Variants in ZNF652 observed in about 807,000 individuals in gnomAD.
The protein encoded by ZNF652 is zinc finger protein 652.
A neutral mutation model predicts 45.2 loss-of-function variants in ZNF652; 16 were observed. The ratio of observed to expected loss-of-function variants is 0.35; its 90% CI spans 0.24 to 0.54. The LOEUF (loss-of-function observed/expected upper bound fraction) is 0.54. Among genes scored for constraint, ZNF652 ranks in the 20% least tolerant of loss-of-function variants. ZNF652 has a pLI of 0.91. For synonymous variants in ZNF652, 250 were observed against 260.6 expected, an observed-to-expected ratio of 0.96 and a Z score of 0.39; for missense variants, 614 against 765.6, an observed-to-expected ratio of 0.80 and a Z score of 2.34.
intron 1 of ZNF652, among the ~76,000 whole-genome samples, chr17:49,329,551 A>G (rs747039): frequency 0.43 from 65,912 of 152,010 alleles, 14,603 homozygotes; most frequent in East Asian, 0.48. Context: ...CATACATTTT[A>G]TATGGTCAAG....
intron 1 of ZNF652, among the ~76,000 whole-genome samples, chr17:49,326,157 A>T (rs1438837209): frequency 6.6e-6 from 1 of 151,440 alleles, no homozygotes; most frequent in Middle Eastern, 3.2e-3. Flanking sequence ...TCATGCCTGT[A>T]ATCTCAGTAC....
chr17:49,317,905 G>C lies in ZNF652; in HGVS notation c.-180C>G. ...GCAGCACCAAAGCATGAGTCAAAAA[G>C]GTTTGGTATTATGGCAAGAGCAGAG... On this transcript the variant is annotated 5_prime_UTR_variant, in exon 2 of 6. Transcript: ENST00000430262. 2.9e-6 allele frequency: 2 copies of C among 680,790 alleles called. No individual in the cohort carries two copies. Among genetic ancestry groups the C allele is most frequent in the Non-Finnish European group, 4.5e-6 (2 of 439,808 alleles). 42.2% of individuals were successfully genotyped at this position (680,790 alleles called of 1,614,324 possible).
chr17:49,295,950 A>C lies in ZNF652; in HGVS notation c.*2463T>G, dbSNP rs1339460068. 7.7e-6 allele frequency: 1 copy of C among 129,956 alleles called. No individual in the cohort carries two copies. The highest frequency in any genetic ancestry group is 1.7e-5 in the Non-Finnish European group (1 of 58,078). 8.1% of individuals were successfully genotyped at this position (129,956 alleles called of 1,614,324 possible). ...AAGACTCTGCCTCAAAAAAAAAAAA[A>C]AAAAAAAAAAAAAAACAGAACAAAA... On this transcript the variant is annotated 3_prime_UTR_variant, in exon 6 of 6. Transcript: ENST00000430262.
At chr17:49,338,338 ATGTCACCT>A (rs2070108082) in intron 1 of ZNF652, among the ~76,000 whole-genome samples, 2 of 152,110 alleles carry the variant, frequency 1.3e-5, no homozygotes, top group South Asian at 4.1e-4. Context: ...CTTCTGCTAG[ATGTCACCT>A]TGTCTGGATG....
At position 49,293,543 on chromosome 17, in the gene ZNF652, G is replaced by A. The variant is rs184481279; in HGVS notation, c.*4870C>T. 1.3e-5 allele frequency among the ~76,000 whole-genome samples: 2 copies of A among 151,370 alleles called. No individual in the cohort carries two copies. The highest frequency in any genetic ancestry group is 4.9e-5 in the African/African-American group (2 of 41,204). Reference sequence around the variant, plus strand: ...TTTATCGAGGTAGTGTCCAGGGTTGGAAGGTCATCATTCTTTATTGTAAGT... The same window carrying A: ...TTTATCGAGGTAGTGTCCAGGGTTGAAAGGTCATCATTCTTTATTGTAAGT... On this transcript the variant is annotated 3_prime_UTR_variant, in exon 6 of 6. Transcript: ENST00000430262.
intron 1 of ZNF652, among the ~76,000 whole-genome samples, chr17:49,336,620 C>T (rs545891178): frequency 6.6e-6 from 1 of 150,952 alleles, no homozygotes; most frequent in Admixed American, 6.6e-5. Context: ...CCACGGTGCC[C>T]GGCCTTTTAC....
In ZNF652 at chr17:49,330,760, A is replaced by G. The variant is rs2070014260; in HGVS notation, c.-258-12777T>C. On this transcript the variant is annotated intron_variant, in intron 1 of 5. Coordinates refer to ENST00000430262, the MANE Select transcript of ZNF652 (RefSeq NM_001145365.3). ...ATCCTGCCTATTAACTTTATTAAAA[A>G]AAATCAGAGGCCGGGCACAGTGGCT... Among the ~76,000 whole-genome samples, 4 of 152,106 alleles carry G rather than the reference A, an allele frequency of 2.6e-5. No individual in the cohort carries two copies. In the South Asian group the frequency reaches 8.3e-4, roughly 32 times the overall value.
downstream of ZNF652, among the ~76,000 whole-genome samples, chr17:49,288,696 G>A (rs1049751805): frequency 3.9e-5 from 6 of 152,230 alleles, no homozygotes; most frequent in Admixed American, 3.3e-4. Context: ...TGTCCAGCAC[G>A]TATTAGGCAT....
At position 49,311,320 on chromosome 17, in the gene ZNF652, G is replaced by C; in HGVS notation, c.1301C>G (p.Thr434Arg). Reference protein sequence around the residue: ...MKQYFDEHMKTHTGEKPFICE... With the variant: ...MKQYFDEHMKRHTGEKPFICE... The stretch of plus-strand genomic sequence containing the variant: ...TCCCAAGAAATTCTTACCAGTGTGT[G>C]TTTTCATGTGTTCGTCGAAGTACTG... The change falls in exon 5 of 6, where the codon ACA becomes AGA. Residue 434 changes from threonine (T) to arginine (R), a missense_variant. By Grantham distance (71) the Thr-to-Arg change is moderately conservative. Around this residue, in one of 5 missense-constraint regions of ZNF652, gnomAD observed 81 missense variants for 167.0 expected, o/e 0.48. Transcript: ENST00000430262. 1 of 1,614,016 alleles carries C rather than the reference G, an allele frequency of 6.2e-7. No homozygotes were observed. The highest frequency in any genetic ancestry group is 8.5e-7 in the Non-Finnish European group (1 of 1,179,948).
At chr17:49,352,586 A>C (rs900976480) in intron 1 of ZNF652, among the ~76,000 whole-genome samples, 1 of 152,222 alleles carries the variant, frequency 6.6e-6, no homozygotes, top group African/African-American at 2.4e-5. Context: ...GTAATTTCTT[A>C]TAAGTTAAAG....
intron 1 of ZNF652, among the ~76,000 whole-genome samples, chr17:49,354,797 C>G (rs1343299347): frequency 2.6e-5 from 4 of 151,976 alleles, no homozygotes; most frequent in Non-Finnish European, 5.9e-5. Context: ...GCAATCTTGG[C>G]TCACTGCAAC....
At chr17:49,316,526 C>T (rs887030084) in intron 2 of ZNF652, among the ~76,000 whole-genome samples, 3 of 152,182 alleles carry the variant, frequency 2.0e-5, no homozygotes, top group South Asian at 2.1e-4. Context: ...TTCTATTACA[C>T]GTCCTACAAC....
rs186016299 is a variant in ZNF652 at position 49,335,357 on chromosome 17, T to C, written c.-258-17374A>G. ...TGCTGGGCAGGTTATTTCACCTTTC[T>C]AGCTCTCAGTTTTTTCAGCCACGAA... is the stretch of plus-strand genomic sequence containing the variant. On this transcript the variant is annotated intron_variant, in intron 1 of 5. Transcript: ENST00000430262. 4.9e-3 allele frequency among the ~76,000 whole-genome samples: 752 copies of C among 152,288 alleles called. 6 individuals are homozygous for C. Among genetic ancestry groups the C allele is most frequent in the African/African-American group, 0.016 (659 of 41,560 alleles).
intron 1 of ZNF652, among the ~76,000 whole-genome samples, chr17:49,348,085 T>C (rs2070226037): frequency 6.6e-6 from 1 of 151,730 alleles, no homozygotes; most frequent in African/African-American, 2.4e-5. Context: ...TAAACACCAA[T>C]CTACAGGAAA....
chr17:49,312,470 T>C (rs1029287811), intron 3 of ZNF652, among the ~76,000 whole-genome samples: 3 of 152,080 alleles, frequency 2.0e-5, no homozygotes, highest in Non-Finnish European at 2.9e-5. Flanking sequence ...CTGGCCTTTG[T>C]GAGGCTCTAA....
rs541632089 is a variant in ZNF652, at chr17:49,308,797, G to A, written c.1309+2515C>T. Among the ~76,000 whole-genome samples, 578 of 146,994 alleles carry A rather than the reference G, an allele frequency of 3.9e-3. 1 individual carries two copies. The highest frequency in any genetic ancestry group is 6.2e-3 in the Admixed American group (91 of 14,770). On this transcript the variant is annotated intron_variant, in intron 5 of 5. Transcript: ENST00000430262. The stretch of plus-strand genomic sequence containing the variant: ...AGCCTGGGTGACAGAGCAATAGTCC[G>A]TCTCAAAAAAAAAAAAAAAGTTTTG...
chr17:49,300,273 CA>C (rs1339028873), intron 5 of ZNF652, among the ~76,000 whole-genome samples: 2 of 152,110 alleles, frequency 1.3e-5, no homozygotes, highest in African/African-American at 2.4e-5. Context: ...GAGATTTCAA[CA>C]ATAAAAAAAT....
Position 49,351,006 on chromosome 17 carries a change from TATATATATACACACACACACAC to T in ZNF652, c.-259+10881_-259+10902del, listed in dbSNP as rs1171809629. ...ATATATATATATATATATATATATA[TATATATATACACACACACACAC>T]ACACACACACACACACACACACACA... On this transcript the variant is annotated intron_variant, in intron 1 of 5. Coordinates refer to ENST00000430262, the MANE Select transcript of ZNF652 (RefSeq NM_001145365.3). 7.5e-4 allele frequency among the ~76,000 whole-genome samples: 16 copies of T among 21,272 alleles called. 1 individual carries two copies. The highest frequency in any genetic ancestry group is 4.4e-3 in the South Asian group (5 of 1,132). The allele number at this position is 21,272 out of a possible 152,430, so 14.0% of individuals were successfully genotyped here. A position where few individuals can be genotyped will look rare whatever the true frequency, so the allele number is the denominator to read the frequency against.
chr17:49,353,229 T>C lies in ZNF652; in HGVS notation c.-259+8680A>G, dbSNP rs185470325. ...GCAGGGTCTCACCCTGTCACCAGGC[T>C]GGCATGGAGTGGCATGATTCTGGCT... is the stretch of plus-strand genomic sequence containing the variant. On this transcript the variant is annotated intron_variant, in intron 1 of 5. Coordinates refer to ENST00000430262, the MANE Select transcript of ZNF652 (RefSeq NM_001145365.3). Among the ~76,000 whole-genome samples, 6 of 152,328 alleles carry C rather than the reference T, an allele frequency of 3.9e-5. No homozygotes were observed. The East Asian group carries it at 1.2e-3, about 29-fold the overall frequency.
Sources: allele counts gnomAD v4.1 joint callset (sites outside exome capture counted in the v4.1 genomes callset), GRCh38; gene constraint gnomAD v4.1.1; regional missense constraint gnomAD v4.1.1; transcripts MANE v1.5; gene names NCBI Gene and HGNC (gene_info 2026-07-23, HGNC 2026-07-21).